Variants in M1AP observed in about 807,000 individuals in gnomAD.
The protein encoded by M1AP is meiosis 1 associated protein.
Under a neutral mutation model 51.2 loss-of-function variants are expected in M1AP, and 39 were observed. That is an observed-to-expected ratio of 0.76 (90% CI 0.59 to 1.00). M1AP has a LOEUF of 1.00. Ranked by LOEUF, M1AP falls within the 50% of genes least tolerant of loss-of-function variation. The pLI, the probability that M1AP is intolerant of heterozygous loss-of-function variation, is 0.00. For missense variants in M1AP, 545 were observed against 641.2 expected (o/e 0.85, Z 1.62); for synonymous variants, 251 against 249.2 (o/e 1.01, Z -0.07).
chr2:74,622,341 C>T (rs1198537913), intron 2 of M1AP, among the ~76,000 whole-genome samples: 3 of 151,906 alleles, frequency 2.0e-5, no homozygotes, highest in East Asian at 1.9e-4. Context: ...CGAGTTCAAG[C>T]GATTATCCTG....
At chr2:74,628,407 C>T (rs1343376389) in intron 2 of M1AP, 1 of 381,644 alleles carries the variant, frequency 2.6e-6, no homozygotes, top group African/African-American at 2.1e-5. Flanking sequence ...TAAATTATTT[C>T]TGCTGCTTAC....
At chr2:74,584,406 C>T (rs1388450151) in intron 4 of M1AP, among the ~76,000 whole-genome samples, 1 of 134,528 alleles carries the variant, frequency 7.4e-6, no homozygotes. Flanking sequence ...CCCAAAAGTT[C>T]AAGACCCACC....
At position 74,629,893 on chromosome 2, in the gene M1AP, G is replaced by A. The variant is rs143369236; in HGVS notation, c.240+10143C>T. Among the ~76,000 whole-genome samples, 1,183 of 151,120 alleles carry A rather than the reference G, an allele frequency of 7.8e-3. 14 individuals carry two copies. The highest frequency in any genetic ancestry group is 0.014 in the Middle Eastern group (4 of 288). On this transcript the variant is annotated intron_variant, in intron 2 of 10. Transcript: ENST00000421985. ...ATTCCAAAATTCAAAAAAATCCAAAGTCTGAAACACTTCTGGTCTAAAGTA... is the reference window on the plus strand; with the variant it reads ...ATTCCAAAATTCAAAAAAATCCAAAATCTGAAACACTTCTGGTCTAAAGTA...
At chr2:74,625,260 T>A (rs1014357449) in intron 2 of M1AP, among the ~76,000 whole-genome samples, 2 of 152,178 alleles carry the variant, frequency 1.3e-5, no homozygotes, top group African/African-American at 4.8e-5. Context: ...TTCTACTGAG[T>A]TATTGAATGT....
intron 4 of M1AP, among the ~76,000 whole-genome samples, chr2:74,600,734 T>A (rs945843252): frequency 1.3e-5 from 2 of 152,178 alleles, no homozygotes. Context: ...TGGAAAAAGT[T>A]TTATAATATT....
intron 1 of M1AP, among the ~76,000 whole-genome samples, chr2:74,642,966 G>T (rs1367889090): frequency 2.6e-5 from 4 of 152,022 alleles, no homozygotes; most frequent in African/African-American, 9.7e-5. Context: ...AATCCAACCG[G>T]CTCTGCCACC....
chr2:74,606,366 G>A (rs1680998810), intron 4 of M1AP, among the ~76,000 whole-genome samples: 1 of 152,158 alleles, frequency 6.6e-6, no homozygotes, highest in Non-Finnish European at 1.5e-5. Context: ...TGTTCATACA[G>A]CACTGTTTAT....
In M1AP at chr2:74,560,244, A is replaced by G. The variant is rs1677821710; in HGVS notation, c.1329T>C (p.His443=). The G allele has an allele frequency of 6.2e-7, 1 of 1,613,536 alleles. No homozygotes were observed. Among genetic ancestry groups the G allele is most frequent in the African/African-American group, 1.3e-5 (1 of 74,906 alleles). ...LELEPTYNPL[H]VQSHLYSHLS... ...GGTGTGAGTACAGGTGGCTTTGAAC[A>G]TGCAAGGGGTTGTAGGTGGGCTCCA... The change falls in exon 9 of 11, where the codon CAT becomes CAC. Residue 443 remains histidine, a synonymous_variant. Coordinates refer to ENST00000421985, the MANE Select transcript of M1AP (RefSeq NM_001321739.2).
intron 4 of M1AP, among the ~76,000 whole-genome samples, chr2:74,583,207 G>A (rs1029795416): frequency 7.2e-5 from 11 of 151,930 alleles, no homozygotes; most frequent in African/African-American, 1.2e-4. Flanking sequence ...CAGTGAAAAT[G>A]TGTTCTATTA....
At chr2:74,647,676 G>T (rs1254847743) in intron 1 of M1AP, among the ~76,000 whole-genome samples, 1 of 152,128 alleles carries the variant, frequency 6.6e-6, no homozygotes. Flanking sequence ...GGCGGATCAC[G>T]AGGTCAGGAG....
intron 7 of M1AP, among the ~76,000 whole-genome samples, chr2:74,567,901 C>T (rs1678489616): frequency 6.6e-6 from 1 of 152,092 alleles, no homozygotes; most frequent in South Asian, 2.1e-4. Flanking sequence ...AAGTGAAATA[C>T]CTGAATAAAG....
chr2:74,564,474 T>C (rs918693107), intron 7 of M1AP, among the ~76,000 whole-genome samples: 2 of 152,178 alleles, frequency 1.3e-5, no homozygotes, highest in African/African-American at 4.8e-5. Flanking sequence ...GACAGATGAT[T>C]TGGGCATGGG....
At chr2:74,612,966 T>G in intron 3 of M1AP, among the ~76,000 whole-genome samples, 1 of 148,506 alleles carries the variant, frequency 6.7e-6, no homozygotes, top group Admixed American at 6.6e-5. Context: ...CTGCTCTGGG[T>G]TTTTTTTCCA....
chr2:74,594,597 G>T (rs2104646757), intron 4 of M1AP, among the ~76,000 whole-genome samples: 1 of 152,282 alleles, frequency 6.6e-6, no homozygotes, highest in East Asian at 1.9e-4. Context: ...TTACAGGCTG[G>T]GCATGGTGAC....
In M1AP at chr2:74,576,729, A is replaced by T. The variant is rs878930806; in HGVS notation, c.770-111T>A. On this transcript the variant is annotated intron_variant, in intron 5 of 10. Transcript: ENST00000421985. ...AGAGACAACATCTGCTACCCATTCC[A>T]TCTCTACCAGGCAAGCAAGGGATAG... The T allele has an allele frequency of 1.6e-5, 21 of 1,331,896 alleles. No individual in the cohort carries two copies. The East Asian group carries it at 5.1e-4, about 33-fold the overall frequency. The allele number at this position is 1,331,896 out of a possible 1,614,324, so 82.5% of individuals were successfully genotyped here. A position where few individuals can be genotyped will look rare whatever the true frequency, so the allele number is the denominator to read the frequency against.
intron 4 of M1AP, among the ~76,000 whole-genome samples, chr2:74,600,804 G>A (rs2104675004): frequency 6.6e-6 from 1 of 152,280 alleles, no homozygotes; most frequent in South Asian, 2.1e-4. Flanking sequence ...ATAAACATGA[G>A]TGAACAACTG....
At chr2:74,576,366 T>G (rs1401327170) in intron 6 of M1AP, 90 bp downstream of exon 6, 6 of 1,364,572 alleles carry the variant, frequency 4.4e-6, no homozygotes, top group Admixed American at 1.9e-5. Context: ...GCCTGACACT[T>G]AAGAGATACC....
At chr2:74,636,162 G>T (rs1273207146) in intron 2 of M1AP, among the ~76,000 whole-genome samples, 4 of 151,598 alleles carry the variant, frequency 2.6e-5, no homozygotes, top group Admixed American at 2.6e-4. Context: ...ACACATTTAG[G>T]ATTTCTGTAT....
intron 4 of M1AP, among the ~76,000 whole-genome samples, chr2:74,583,365 G>A (rs1679526736): frequency 6.6e-6 from 1 of 152,208 alleles, no homozygotes; most frequent in Non-Finnish European, 1.5e-5. Context: ...AAAGGATGGG[G>A]AGGGTCTGGT....
Sources: allele counts gnomAD v4.1 joint callset (sites outside exome capture counted in the v4.1 genomes callset), GRCh38; gene constraint gnomAD v4.1.1; transcripts MANE v1.5; gene names NCBI Gene and HGNC (gene_info 2026-07-23, HGNC 2026-07-21).